Variants in MACROD2 observed in about 807,000 individuals in gnomAD.
MACROD2 encodes ADP-ribose glycohydrolase MACROD2.
A neutral mutation model predicts 70.4 loss-of-function variants in MACROD2; 36 were observed. That is an observed-to-expected ratio of 0.51 (90% CI 0.39 to 0.68). The LOEUF (loss-of-function observed/expected upper bound fraction) is 0.68. Ranked by LOEUF, MACROD2 falls within the 30% of genes least tolerant of loss-of-function variation. The probability of loss-of-function intolerance (pLI) is 0.00; values close to 1 mark genes in which losing one functional copy is unlikely to be tolerated. For missense variants in MACROD2, 496 were observed against 538.4 expected (o/e 0.92, Z 0.78); for synonymous variants, 172 against 178.8 (o/e 0.96, Z 0.30).
chr20:15,301,441 C>A (rs2077641363), intron 6 of MACROD2, among the ~76,000 whole-genome samples: 1 of 152,022 alleles, frequency 6.6e-6, no homozygotes, highest in African/African-American at 2.4e-5. Flanking sequence ...TTGCCTTGTT[C>A]CCAAATGATG....
At chr20:15,167,530 A>G (rs995724046) in intron 5 of MACROD2, among the ~76,000 whole-genome samples, 1 of 152,082 alleles carries the variant, frequency 6.6e-6, no homozygotes, top group African/African-American at 2.4e-5. Context: ...TTGTCTTTAA[A>G]ACCTACTCAA....
At chr20:15,954,507 C>T (rs1259824320) in intron 12 of MACROD2, among the ~76,000 whole-genome samples, 1 of 152,154 alleles carries the variant, frequency 6.6e-6, no homozygotes, top group Non-Finnish European at 1.5e-5. Flanking sequence ...CTATCCATCT[C>T]CCACTACTAT....
At chr20:15,670,446 T>C (rs1276249901) in intron 8 of MACROD2, among the ~76,000 whole-genome samples, 2 of 152,140 alleles carry the variant, frequency 1.3e-5, no homozygotes, top group African/African-American at 4.8e-5. Context: ...AGCAAAGCCT[T>C]TAGGAATTAA....
intron 16 of MACROD2, among the ~76,000 whole-genome samples, chr20:16,041,740 T>C (rs191957433): frequency 6.6e-6 from 1 of 152,164 alleles, no homozygotes; most frequent in East Asian, 1.9e-4. Context: ...TTGCCTTGGT[T>C]AAAAACATAG....
intron 8 of MACROD2, among the ~76,000 whole-genome samples, chr20:15,560,639 T>A (rs2048228876): frequency 6.6e-6 from 1 of 151,876 alleles, no homozygotes; most frequent in African/African-American, 2.4e-5. Flanking sequence ...GGTGTGTGCC[T>A]GTAATCCCAG....
At chr20:14,808,055 C>A (rs1164393630) in intron 5 of MACROD2, among the ~76,000 whole-genome samples, 1 of 152,104 alleles carries the variant, frequency 6.6e-6, no homozygotes, top group African/African-American at 2.4e-5. Context: ...CCCAACCGAG[C>A]AAGACAGGCC....
intron 3 of MACROD2, among the ~76,000 whole-genome samples, chr20:14,308,805 T>C (rs764077195): frequency 1.5e-4 from 23 of 151,968 alleles, no homozygotes; most frequent in African/African-American, 4.8e-4. Flanking sequence ...GTTGTGGAGA[T>C]AGGCCAAAGC....
intron 5 of MACROD2, among the ~76,000 whole-genome samples, chr20:14,784,494 A>G (rs6034042): frequency 0.037 from 5,694 of 152,156 alleles, 310 homozygotes; most frequent in East Asian, 0.11. Context: ...AGTCGGGTTC[A>G]TAGACATCTC....
chr20:15,465,422 A>G (rs2046872103), intron 7 of MACROD2, among the ~76,000 whole-genome samples: 1 of 152,248 alleles, frequency 6.6e-6, no homozygotes, highest in Admixed American at 6.5e-5. Context: ...TGTCTGTGTT[A>G]AGAGCTTTCA....
At chr20:15,880,370 A>G (rs771063501) in intron 9 of MACROD2, among the ~76,000 whole-genome samples, 22 of 151,826 alleles carry the variant, frequency 1.4e-4, no homozygotes, top group Non-Finnish European at 2.5e-4. Context: ...CTTGAGTGTG[A>G]TTACCCTTGT....
intron 10 of MACROD2, among the ~76,000 whole-genome samples, chr20:15,928,935 T>C (rs895850881): frequency 3.9e-5 from 6 of 152,218 alleles, no homozygotes; most frequent in Admixed American, 2.6e-4. Flanking sequence ...GATTTTTTTA[T>C]AAAAGAGTGC....
rs181219614 is a variant in MACROD2 at position 15,096,340 on chromosome 20, G to A, written c.419-133600G>A. The stretch of plus-strand genomic sequence containing the variant: ...GCATCCCTTTTTCCGAATGGGCTTT[G>A]GTGCAAGCAGTTCGTAAGTGGCTAG... On this transcript the variant is annotated intron_variant, in intron 5 of 17. Transcript: ENST00000684519. Among the ~76,000 whole-genome samples, 223 of 151,932 alleles carry A rather than the reference G, an allele frequency of 1.5e-3. 1 individual carries two copies. Among genetic ancestry groups the A allele is most frequent in the African/African-American group, 5.1e-3 (211 of 41,426 alleles).
chr20:15,972,416 C>T (rs2066245220), intron 13 of MACROD2, among the ~76,000 whole-genome samples: 1 of 151,994 alleles, frequency 6.6e-6, no homozygotes, highest in African/African-American at 2.4e-5. Context: ...AAAATTACAC[C>T]TAAGTACATC....
At chr20:15,034,721 A>G (rs1044576561) in intron 5 of MACROD2, among the ~76,000 whole-genome samples, 4 of 152,338 alleles carry the variant, frequency 2.6e-5, no homozygotes, top group Admixed American at 2.0e-4. Flanking sequence ...TGAAAAGAGC[A>G]TAGTATTCTG....
At chr20:15,313,786 A>G (rs1218857726) in intron 6 of MACROD2, among the ~76,000 whole-genome samples, 1 of 152,240 alleles carries the variant, frequency 6.6e-6, no homozygotes, top group African/African-American at 2.4e-5. Flanking sequence ...TGGATACTCT[A>G]AAGCTCAAAT....
rs1180749841 is a variant in MACROD2, at chr20:14,863,130, C to A, written c.418+178171C>A. On this transcript the variant is annotated intron_variant, in intron 5 of 17. Transcript: ENST00000684519. The stretch of plus-strand genomic sequence containing the variant: ...AGCAAATCACCCACGGGTTCTTTCA[C>A]AGTTTCTTTCACCCTAAGCCTCTCA... 3.3e-5 allele frequency among the ~76,000 whole-genome samples: 5 copies of A among 152,026 alleles called. No individual in the cohort carries two copies. The East Asian group carries it at 9.6e-4, about 29-fold the overall frequency.
chr20:15,478,950 G>A (rs1287175144), intron 7 of MACROD2, among the ~76,000 whole-genome samples: 2 of 152,192 alleles, frequency 1.3e-5, no homozygotes, highest in Non-Finnish European at 2.9e-5. Context: ...AAGGTTAGCA[G>A]ATAAATCAAC....
At chr20:15,875,675 AG>A (rs1034579185) in intron 9 of MACROD2, among the ~76,000 whole-genome samples, 4 of 151,970 alleles carry the variant, frequency 2.6e-5, no homozygotes, top group Non-Finnish European at 4.4e-5. Context: ...GGGAGTGTGC[AG>A]TGAGTGTAGC....
At chr20:15,375,063 T>C (rs1270744408) in intron 6 of MACROD2, among the ~76,000 whole-genome samples, 1 of 152,212 alleles carries the variant, frequency 6.6e-6, no homozygotes, top group Non-Finnish European at 1.5e-5. Flanking sequence ...TACTCTTGCA[T>C]TTTGCAAAAT....
Sources: allele counts gnomAD v4.1 joint callset (sites outside exome capture counted in the v4.1 genomes callset), GRCh38; gene constraint gnomAD v4.1.1; transcripts MANE v1.5; gene names NCBI Gene and HGNC (gene_info 2026-07-23, HGNC 2026-07-21).